Variants in DOCK8 observed in about 807,000 individuals in gnomAD.
DOCK8 encodes dedicator of cytokinesis protein 8.
In DOCK8, 141 loss-of-function variants were observed where a neutral mutation model predicts 245.6. That is an observed-to-expected ratio of 0.57 (90% CI 0.50 to 0.66). The LOEUF (loss-of-function observed/expected upper bound fraction) is 0.66. DOCK8 is among the 30% of genes least tolerant of loss of function. The pLI is 0.00. For missense variants in DOCK8, 2,965 were observed against 2,603.4 expected, an observed-to-expected ratio of 1.14 and a Z score of -3.02; for synonymous variants, 1,168 against 970.2, an observed-to-expected ratio of 1.20 and a Z score of -3.79.
At chr9:248,304 A>G (rs908850348) in intron 1 of DOCK8, among the ~76,000 whole-genome samples, 5 of 152,238 alleles carry the variant, frequency 3.3e-5, no homozygotes, top group Admixed American at 3.3e-4. Flanking sequence ...TAAGCCGTCA[A>G]TACTGAACAT....
At position 441,498 on chromosome 9, in the gene DOCK8, C is replaced by G. The variant is rs996371060; in HGVS notation, c.5355+81C>G. 59 of 1,597,196 alleles carry G rather than the reference C, an allele frequency of 3.7e-5. No individual in the cohort carries two copies. The African/African-American group carries it at 7.9e-4, about 21-fold the overall frequency. On this transcript the variant is annotated intron_variant, in intron 41 of 47. Coordinates refer to ENST00000432829, the MANE Select transcript of DOCK8 (RefSeq NM_203447.4). ...CTACAGATGCTTAGCCATCCTTCCT[C>G]TCCAGGGAGTGATTTATCTTTAGCA...
intron 1 of DOCK8, chr9:215,507 G>A (rs2046729692): frequency 2.1e-6 from 3 of 1,415,894 alleles, no homozygotes; most frequent in Admixed American, 3.0e-5. Context: ...CCTGAGCAAG[G>A]CTCCGTCCTC....
intron 6 of DOCK8, among the ~76,000 whole-genome samples, chr9:315,059 G>C (rs1305708634): frequency 6.6e-6 from 1 of 152,216 alleles, no homozygotes; most frequent in East Asian, 1.9e-4. Flanking sequence ...TGCTGAGGCT[G>C]TTGGTTACAA....
At chr9:260,441 C>A (rs1172148654) in intron 1 of DOCK8, among the ~76,000 whole-genome samples, 1 of 152,192 alleles carries the variant, frequency 6.6e-6, no homozygotes, top group East Asian at 1.9e-4. Flanking sequence ...GCAGAATAGC[C>A]AGTAAATTCA....
At chr9:413,766 A>G (rs919808561) in intron 28 of DOCK8, among the ~76,000 whole-genome samples, 1 of 152,222 alleles carries the variant, frequency 6.6e-6, no homozygotes, top group African/African-American at 2.4e-5. Context: ...TGGCAAGAAT[A>G]AAATGGAGTC....
At chr9:373,124 A>G (rs2053372787) in intron 18 of DOCK8, among the ~76,000 whole-genome samples, 1 of 152,126 alleles carries the variant, frequency 6.6e-6, no homozygotes, top group African/African-American at 2.4e-5. Flanking sequence ...CTGAGATCAC[A>G]CCACTGCACT....
At position 340,156 on chromosome 9, in the gene DOCK8, T is replaced by C. The variant is rs1395135353; in HGVS notation, c.1517-3T>C. 1.2e-6 allele frequency: 2 copies of C among 1,614,034 alleles called. No homozygotes were observed. The highest frequency in any genetic ancestry group is 1.1e-5 in the South Asian group (1 of 91,082). On this transcript the variant is annotated splice_region_variant and splice_polypyrimidine_tract_variant and intron_variant, in intron 13 of 47. Transcript: ENST00000432829. ...CTAGAACATTCCTATTTTCTCTCTT[T>C]AGGCTTGCTAAGACTGGAGATTTCT...
chr9:291,522 C>G (rs2130384355), intron 4 of DOCK8, among the ~76,000 whole-genome samples: 1 of 152,176 alleles, frequency 6.6e-6, no homozygotes, highest in Middle Eastern at 3.4e-3. Context: ...GATTCTCTTC[C>G]TTTGCTATTA....
chr9:428,517 T>C (rs373173806), intron 35 of DOCK8, 21 bp downstream of exon 35: 3 of 1,614,044 alleles, frequency 1.9e-6, no homozygotes, highest in Non-Finnish European at 1.7e-6. Context: ...GATGCTTGTT[T>C]TCTTCCTCTT....
Position 312,090 on chromosome 9 carries a change from T to G in DOCK8, c.665T>G (p.Phe222Cys), listed in dbSNP as rs1265125485. Reference protein sequence around the residue: ...NLLQQVSAEDFEKQNEEARRT... With the variant: ...NLLQQVSAEDCEKQNEEARRT... ...CTGCAGCAAGTGAGTGCCGAGGACT[T>G]TGAGAAGCAGAACGAGGAGGCCCGG... The change falls in exon 6 of 48, where the codon TTT becomes TGT. Residue 222 changes from phenylalanine (F) to cysteine (C), a missense_variant. This residue lies in a region of DOCK8 where 2,825 missense variants were observed against 2,453.5 expected (regional missense o/e 1.15). Transcript: ENST00000432829. The G allele has an allele frequency of 6.2e-7, 1 of 1,614,146 alleles. No homozygotes were observed. The highest frequency in any genetic ancestry group is 8.5e-7 in the Non-Finnish European group (1 of 1,180,024).
chr9:305,988 A>G (rs952623709), intron 5 of DOCK8, among the ~76,000 whole-genome samples: 1 of 152,174 alleles, frequency 6.6e-6, no homozygotes, highest in Non-Finnish European at 1.5e-5. Flanking sequence ...CCCAAGATGA[A>G]CAGCATTATG....
intron 46 of DOCK8, chr9:453,063 G>A (rs181262986): frequency 6.6e-6 from 1 of 152,222 alleles, no homozygotes; most frequent in Non-Finnish European, 1.5e-5. Flanking sequence ...GGATAAAGGA[G>A]ACTAAAAGTT....
intron 37 of DOCK8, among the ~76,000 whole-genome samples, chr9:433,362 G>C (rs760730776): frequency 6.6e-6 from 1 of 152,170 alleles, no homozygotes; most frequent in Non-Finnish European, 1.5e-5. Context: ...TCAAGCCATA[G>C]TCTCTCCCTG....
intron 16 of DOCK8, among the ~76,000 whole-genome samples, chr9:370,836 G>A (rs927448793): frequency 7.2e-5 from 11 of 152,182 alleles, no homozygotes; most frequent in African/African-American, 1.2e-4. Flanking sequence ...GGTTTGATCC[G>A]GGCCTGATAA....
intron 33 of DOCK8, among the ~76,000 whole-genome samples, chr9:425,971 A>G (rs373566008): frequency 2.0e-5 from 3 of 152,078 alleles, no homozygotes; most frequent in African/African-American, 7.2e-5. Context: ...GGACGCAAGA[A>G]CAGGTAAGTG....
At chr9:328,955 T>C (rs1420632650) in intron 9 of DOCK8, among the ~76,000 whole-genome samples, 2 of 142,288 alleles carry the variant, frequency 1.4e-5, no homozygotes, top group Non-Finnish European at 1.5e-5. Flanking sequence ...TTTTTTTTTT[T>C]TTTTTTTTTT....
At chr9:355,722 A>G (rs1041074713) in intron 14 of DOCK8, among the ~76,000 whole-genome samples, 1 of 152,158 alleles carries the variant, frequency 6.6e-6, no homozygotes, top group African/African-American at 2.4e-5. Flanking sequence ...TAAGCTGTAC[A>G]TATGAAGGAA....
intron 1 of DOCK8, among the ~76,000 whole-genome samples, chr9:221,100 T>C (rs1450504275): frequency 6.6e-6 from 1 of 152,184 alleles, no homozygotes; most frequent in South Asian, 2.1e-4. Flanking sequence ...AAAAACAGAT[T>C]GACACCTCTG....
rs184121027 is a variant in DOCK8, at chr9:276,133, C to T, written c.156+4404C>T. 1.4e-3 allele frequency among the ~76,000 whole-genome samples: 213 copies of T among 152,218 alleles called. 1 individual carries two copies. Among genetic ancestry groups the T allele is most frequent in the African/African-American group, 5.0e-3 (206 of 41,538 alleles). On this transcript the variant is annotated intron_variant, in intron 2 of 47. Coordinates refer to ENST00000432829, the MANE Select transcript of DOCK8 (RefSeq NM_203447.4). ...CTTGAACTTCTGACCTCAGGTGATC[C>T]GCCCGCCTCGGCCTCCCAAAGTGCT...
Sources: gnomAD v4.1 joint callset for allele counts (sites outside exome capture counted in the v4.1 genomes callset) on GRCh38, gnomAD v4.1.1 for gene constraint, gnomAD v4.1.1 regional missense constraint, MANE v1.5 for transcripts, NCBI Gene and HGNC (gene_info 2026-07-23, HGNC 2026-07-21) for gene names.